The following TMC1 variants were observed in gnomAD, a reference collection of about 807,000 sequenced individuals.
TMC1 encodes the protein transmembrane channel-like protein 1.
A neutral mutation model predicts 105.8 loss-of-function variants in TMC1; 84 were observed. The observed-to-expected ratio is 0.79, with a 90% CI of 0.67 to 0.95. The LOEUF (loss-of-function observed/expected upper bound fraction) is 0.95, where lower values mean the gene tolerates loss of function less well. Ranked by LOEUF, TMC1 falls within the 40% of genes least tolerant of loss-of-function variation. The probability of loss-of-function intolerance (pLI) is 0.00; values close to 1 mark genes in which losing one functional copy is unlikely to be tolerated. For synonymous variants in TMC1, 315 were observed against 311.5 expected (o/e 1.01, Z -0.12); for missense variants, 817 against 914.1 (o/e 0.89, Z 1.37).
At chr9:72,550,729 G>A (rs977355782) in intron 1 of TMC1, among the ~76,000 whole-genome samples, 7 of 151,598 alleles carry the variant, frequency 4.6e-5, no homozygotes, top group Non-Finnish European at 8.8e-5. Flanking sequence ...AAAAAGGCTG[G>A]TGGGTGTGGT....
chr9:72,530,557 TCCAG>T, intron 1 of TMC1, among the ~76,000 whole-genome samples: 1 of 150,514 alleles, frequency 6.6e-6, no homozygotes, highest in Admixed American at 6.6e-5. Context: ...GCCACTGCAC[TCCAG>T]CCTGGTGACA....
At chr9:72,555,973 CAAAAAAAAAAAAAAAAAAA>C (rs59431883) in intron 1 of TMC1, among the ~76,000 whole-genome samples, 1 of 42,566 alleles carries the variant, frequency 2.3e-5, no homozygotes, top group Non-Finnish European at 3.9e-5. Context: ...ATGACTAAGG[CAAAAAAAAAAAAAAAAAAA>C]AAAAAAAAAA....
chr9:72,585,766 G>A (rs973798595), intron 2 of TMC1, among the ~76,000 whole-genome samples: 2 of 152,162 alleles, frequency 1.3e-5, no homozygotes, highest in African/African-American at 2.4e-5. Flanking sequence ...GTGAGTTGAC[G>A]AGGAGCCATT....
intron 4 of TMC1, among the ~76,000 whole-genome samples, chr9:72,641,217 C>T (rs1825622233): frequency 6.6e-6 from 1 of 152,178 alleles, no homozygotes; most frequent in South Asian, 2.1e-4. Context: ...CCTAAACCTC[C>T]TGAGTAGCTG....
At chr9:72,718,081 A>G (rs1026278829) in intron 8 of TMC1, among the ~76,000 whole-genome samples, 1 of 151,942 alleles carries the variant, frequency 6.6e-6, no homozygotes, top group Non-Finnish European at 1.5e-5. Flanking sequence ...TATCTATTTC[A>G]CTGAAGATTT....
At chr9:72,529,693 A>C (rs978849497) in intron 1 of TMC1, among the ~76,000 whole-genome samples, 1 of 150,958 alleles carries the variant, frequency 6.6e-6, no homozygotes, top group African/African-American at 2.4e-5. Context: ...TATTTCATTC[A>C]GTGGTTTTCA....
chr9:72,658,538 TC>T (rs1192382242), intron 5 of TMC1, among the ~76,000 whole-genome samples: 17 of 152,232 alleles, frequency 1.1e-4, no homozygotes, highest in Non-Finnish European at 2.4e-4. Context: ...TTTTTAACTC[TC>T]TATCCTAGAC....
intron 4 of TMC1, among the ~76,000 whole-genome samples, chr9:72,643,333 C>T (rs2132145745): frequency 6.6e-6 from 1 of 152,180 alleles, no homozygotes; most frequent in Admixed American, 6.5e-5. Context: ...GAGAAACAGC[C>T]CTGTGGAGGG....
At chr9:72,775,100 G>C (rs1263119152) in intron 13 of TMC1, among the ~76,000 whole-genome samples, 1 of 152,126 alleles carries the variant, frequency 6.6e-6, no homozygotes, top group African/African-American at 2.4e-5. Context: ...TTTAAGATAA[G>C]ATGACTAACT....
chr9:72,709,438 A>C (rs1826798091), intron 8 of TMC1, among the ~76,000 whole-genome samples: 1 of 151,802 alleles, frequency 6.6e-6, no homozygotes, highest in Admixed American at 6.6e-5. Flanking sequence ...ATAGGATTGA[A>C]TGTCTGATAG....
chr9:72,815,838 C>A (rs1040862261), intron 18 of TMC1, among the ~76,000 whole-genome samples: 1 of 152,088 alleles, frequency 6.6e-6, no homozygotes, highest in Non-Finnish European at 1.5e-5. Flanking sequence ...TTAATATGTA[C>A]TGTCAAATTG....
At chr9:72,796,901 G>GGTAT (rs1828380332) in intron 17 of TMC1, among the ~76,000 whole-genome samples, 1 of 151,906 alleles carries the variant, frequency 6.6e-6, no homozygotes. Context: ...AGAAATGAAG[G>GGTAT]GTATCAAAAT....
intron 5 of TMC1, among the ~76,000 whole-genome samples, chr9:72,664,806 A>G (rs563969613): frequency 2.0e-5 from 3 of 152,264 alleles, no homozygotes; most frequent in Admixed American, 1.3e-4. Flanking sequence ...CTTCCTGGAC[A>G]CTGGACAAGA....
intron 5 of TMC1, among the ~76,000 whole-genome samples, chr9:72,682,057 G>A (rs1826296456): frequency 6.6e-6 from 1 of 152,002 alleles, no homozygotes. Flanking sequence ...TTTTGGATTG[G>A]TGAGTCCTAC....
At chr9:72,684,145 T>C (rs1826338207) in intron 5 of TMC1, among the ~76,000 whole-genome samples, 1 of 152,154 alleles carries the variant, frequency 6.6e-6, no homozygotes, top group Non-Finnish European at 1.5e-5. Context: ...AGGTGGTTCA[T>C]TTCATAGCCT....
At chr9:72,765,007 A>T (rs1395725576) in intron 12 of TMC1, among the ~76,000 whole-genome samples, 1 of 152,158 alleles carries the variant, frequency 6.6e-6, no homozygotes. Flanking sequence ...CAGTAAAGAG[A>T]ACCTCTATTT....
chr9:72,527,671 C>T (rs902805547), intron 1 of TMC1, among the ~76,000 whole-genome samples: 1 of 152,150 alleles, frequency 6.6e-6, no homozygotes. Flanking sequence ...TGTTTCCCTG[C>T]GACCGCTGCT....
intron 23 of TMC1, among the ~76,000 whole-genome samples, chr9:72,832,340 T>A (rs1442419751): frequency 6.6e-6 from 1 of 152,210 alleles, no homozygotes; most frequent in Non-Finnish European, 1.5e-5. Flanking sequence ...CCTTTCACAT[T>A]GGCTGACCTT....
intron 5 of TMC1, among the ~76,000 whole-genome samples, chr9:72,683,733 T>TATATATA (rs1588029653): frequency 0.026 from 1,389 of 53,300 alleles, 156 homozygotes; most frequent in East Asian, 0.035. Context: ...GTTACACATT[T>TATATATA]TATATATATA....
Sources: allele counts gnomAD v4.1 joint callset (sites outside exome capture counted in the v4.1 genomes callset), GRCh38; gene constraint gnomAD v4.1.1; transcripts MANE v1.5; gene names NCBI Gene and HGNC (gene_info 2026-07-23, HGNC 2026-07-21).